The following AP3M1 variants were observed in gnomAD, a reference collection of about 807,000 sequenced individuals.
AP3M1 encodes adaptor related protein complex 3 subunit mu 1.
In AP3M1, 29 loss-of-function variants were observed where a neutral mutation model predicts 42.6. The observed-to-expected ratio is 0.68, with a 90% CI of 0.51 to 0.93. The LOEUF is 0.93. Ranked by LOEUF, AP3M1 falls within the 40% of genes least tolerant of loss-of-function variation. The pLI is 0.00. For missense variants in AP3M1, 416 were observed against 510.2 expected, an observed-to-expected ratio of 0.82 and a Z score of 1.78; for synonymous variants, 178 against 175.3, an observed-to-expected ratio of 1.02 and a Z score of -0.12.
intron 1 of AP3M1, among the ~76,000 whole-genome samples, chr10:74,141,634 T>C (rs969433281): frequency 6.6e-6 from 1 of 152,054 alleles, no homozygotes; most frequent in Non-Finnish European, 1.5e-5. Context: ...TTAAATCAAA[T>C]GGTTTCCTTT....
Position 74,130,892 on chromosome 10 carries a change from T to C in AP3M1, c.584-900A>G, listed in dbSNP as rs565765586. On this transcript the variant is annotated intron_variant, in intron 4 of 8. Coordinates refer to ENST00000355264, the MANE Select transcript of AP3M1 (RefSeq NM_012095.6). ...TAGGGAGGCTGACGTGGGTAGATTA[T>C]CTGAGCTCAGGAGTTTGGGACCAGC... Among the ~76,000 whole-genome samples the C allele has an allele frequency of 1.1e-3, 174 of 152,152 alleles. 1 individual carries two copies. In the South Asian group the frequency reaches 0.027, roughly 24 times the overall value.
intron 1 of AP3M1, among the ~76,000 whole-genome samples, chr10:74,147,002 A>C (rs2132003387): frequency 6.6e-6 from 1 of 152,266 alleles, no homozygotes; most frequent in East Asian, 1.9e-4. Context: ...TGAAAATGTC[A>C]GCTGGGCGTG....
At chr10:74,140,448 C>G (rs1010673092) in intron 1 of AP3M1, among the ~76,000 whole-genome samples, 5 of 152,192 alleles carry the variant, frequency 3.3e-5, no homozygotes, top group African/African-American at 1.2e-4. Context: ...TTTTGAAATA[C>G]TTGGCTGACT....
intron 3 of AP3M1, 128 bp from the exon 4 acceptor site, chr10:74,134,292 A>C: frequency 1.0e-6 from 1 of 969,808 alleles, no homozygotes; most frequent in Non-Finnish European, 1.5e-6. Flanking sequence ...GATGGTCACT[A>C]GAATTGTCAG....
At position 74,129,246 on chromosome 10, in the gene AP3M1, C is replaced by G; in HGVS notation, c.670-5G>C. 1.9e-6 allele frequency: 3 copies of G among 1,613,072 alleles called. No individual in the cohort carries two copies. The highest frequency in any genetic ancestry group is 2.5e-6 in the Non-Finnish European group (3 of 1,179,716). The stretch of plus-strand genomic sequence containing the variant: ...ATCATCCAGAAGCCTAGGGTTCTGC[C>G]AGAAAAACAGAAGACAGTCGTTCAT... On this transcript the variant is annotated splice_polypyrimidine_tract_variant and splice_region_variant and intron_variant, in intron 5 of 8. Transcript: ENST00000355264.
At chr10:74,130,042 T>C in intron 4 of AP3M1, 50 bp from the exon 5 acceptor site, 1 of 1,107,018 alleles carries the variant, frequency 9.0e-7, no homozygotes, top group Non-Finnish European at 1.4e-6. Flanking sequence ...ATATGAGTCT[T>C]CACTAGACCT....
intron 1 of AP3M1, 53 bp from the exon 2 acceptor site, chr10:74,138,435 A>G: frequency 4.7e-6 from 7 of 1,494,168 alleles, no homozygotes; most frequent in Non-Finnish European, 6.4e-6. Context: ...ATCATTTAAC[A>G]TACACAAAAA....
rs994320973 is a variant in AP3M1 at position 74,126,323 on chromosome 10, C to T, written c.836G>A (p.Ser279Asn). Residue 279 changes from serine (S) to asparagine (N), a missense_variant, in exon 7 of 9, where the codon AGT becomes AAT. By Grantham distance (46) the Ser-to-Asn change is conservative. Transcript: ENST00000355264. ...AGAACTGTTCTCCTTAAAGCTGATACTATGTTTCACATACACTGGTATTGC... is the reference window on the plus strand; with the variant it reads ...AGAACTGTTCTCCTTAAAGCTGATATTATGTTTCACATACACTGGTATTGC... ...LVAIPVYVKHSISFKENSSCG... is the reference protein window; with the variant it reads ...LVAIPVYVKHNISFKENSSCG... 2.5e-6 allele frequency: 4 copies of T among 1,614,146 alleles called. No individual in the cohort carries two copies. The highest frequency in any genetic ancestry group is 3.4e-6 in the Non-Finnish European group (4 of 1,180,014).
intron 3 of AP3M1, 68 bp from the exon 4 acceptor site, chr10:74,134,232 A>G (rs1389554009): frequency 8.3e-6 from 12 of 1,452,232 alleles, no homozygotes; most frequent in South Asian, 2.7e-5. Flanking sequence ...TATTACTAGG[A>G]AAAAAAAAGC....
intron 6 of AP3M1, 86 bp from the exon 7 acceptor site, chr10:74,126,441 GTCCA>G: frequency 4.7e-6 from 5 of 1,056,628 alleles, no homozygotes; most frequent in Non-Finnish European, 7.0e-6. Flanking sequence ...GAAAACCTCT[GTCCA>G]GAGTATCCTA....
chr10:74,129,777 T>C, intron 5 of AP3M1, 130 bp downstream of exon 5: 4 of 699,220 alleles, frequency 5.7e-6, no homozygotes, highest in Non-Finnish European at 9.8e-6. Flanking sequence ...TAGGAAACTC[T>C]GCTAGGAATA....
At chr10:74,150,692 T>G (rs1841542565) in intron 1 of AP3M1, 63 bp downstream of exon 1, 1 of 154,004 alleles carries the variant, frequency 6.5e-6, no homozygotes. Flanking sequence ...CCCCAGCTAT[T>G]CAGCCTACTC....
chr10:74,126,925 C>T (rs750820186), intron 6 of AP3M1, among the ~76,000 whole-genome samples: 5 of 118,444 alleles, frequency 4.2e-5, no homozygotes, highest in Non-Finnish European at 6.4e-5. Context: ...GAGCTGAGAT[C>T]GTGCCACTGC....
Position 74,123,911 on chromosome 10 carries a change from C to T in AP3M1, c.1157-1G>A. On this transcript the variant is annotated splice_acceptor_variant, in intron 8 of 8. Coordinates refer to ENST00000355264, the MANE Select transcript of AP3M1 (RefSeq NM_012095.6). LOFTEE classifies it high-confidence loss of function. ...ATGTCCAAACGGTTTACTTTTAAGCCTGTATCAAAAAGAATGAAAAAGAAT... is the reference window on the plus strand; with the variant it reads ...ATGTCCAAACGGTTTACTTTTAAGCTTGTATCAAAAAGAATGAAAAAGAAT... 1 of 1,611,060 alleles carries T rather than the reference C, an allele frequency of 6.2e-7. No individual in the cohort carries two copies. Among genetic ancestry groups the T allele is most frequent in the East Asian group, 2.2e-5 (1 of 44,852 alleles).
chr10:74,131,277 C>G (rs950219340), intron 4 of AP3M1, among the ~76,000 whole-genome samples: 3 of 151,832 alleles, frequency 2.0e-5, no homozygotes, highest in African/African-American at 7.3e-5. Context: ...ACGCCATTCT[C>G]CTGCCTCAGT....
At position 74,123,912 on chromosome 10, in the gene AP3M1, T is replaced by G; in HGVS notation, c.1157-2A>C. ...TGTCCAAACGGTTTACTTTTAAGCC[T>G]GTATCAAAAAGAATGAAAAAGAATA... On this transcript the variant is annotated splice_acceptor_variant, in intron 8 of 8. Coordinates refer to ENST00000355264, the MANE Select transcript of AP3M1 (RefSeq NM_012095.6). LOFTEE classifies it high-confidence loss of function. 2 of 1,610,278 alleles carry G rather than the reference T, an allele frequency of 1.2e-6. No homozygotes were observed. The highest frequency in any genetic ancestry group is 1.7e-6 in the Non-Finnish European group (2 of 1,176,698).
intron 1 of AP3M1, among the ~76,000 whole-genome samples, chr10:74,143,413 C>A (rs1382388705): frequency 6.6e-6 from 1 of 152,166 alleles, no homozygotes; most frequent in Admixed American, 6.5e-5. Context: ...CCATGCCCAG[C>A]TAGTTTTTCT....
chr10:74,146,134 C>T (rs1307327868), intron 1 of AP3M1, among the ~76,000 whole-genome samples: 1 of 152,120 alleles, frequency 6.6e-6, no homozygotes, highest in Non-Finnish European at 1.5e-5. Context: ...ATATAGTGTG[C>T]TGTGGGAATC....
intron 4 of AP3M1, among the ~76,000 whole-genome samples, chr10:74,133,325 C>T (rs1048707014): frequency 2.0e-5 from 3 of 150,756 alleles, no homozygotes; most frequent in South Asian, 4.2e-4. Flanking sequence ...ACCCGGGAGG[C>T]GGAGGTTGCG....
Sources: gnomAD v4.1 joint callset for allele counts (sites outside exome capture counted in the v4.1 genomes callset) on GRCh38, gnomAD v4.1.1 for gene constraint, MANE v1.5 for transcripts, NCBI Gene and HGNC (gene_info 2026-07-23, HGNC 2026-07-21) for gene names.